EXOSC10: variants seen among roughly 807,000 people sequenced by gnomAD.
EXOSC10 encodes exosome component 10.
EXOSC10 carries 94 observed loss-of-function variants against 126.6 expected under a neutral mutation model. The ratio of observed to expected loss-of-function variants is 0.74; its 90% CI spans 0.63 to 0.88. The LOEUF (loss-of-function observed/expected upper bound fraction) is 0.88. EXOSC10 is among the 40% of genes least tolerant of loss of function. The pLI, the probability that EXOSC10 is intolerant of heterozygous loss-of-function variation, is 0.00. For synonymous variants in EXOSC10, 395 were observed against 400.8 expected (o/e 0.99, Z 0.17); for missense variants, 1,041 against 1,100.5 (o/e 0.95, Z 0.77).
At chr1:11,091,274 C>A in intron 4 of EXOSC10, 95 bp from the exon 5 acceptor site, 1 of 1,219,304 alleles carries the variant, frequency 8.2e-7, no homozygotes, top group South Asian at 1.4e-5. Flanking sequence ...ACAAGAACAT[C>A]GCAAAGGTCA....
chr1:11,070,897 T>TA lies in EXOSC10; in HGVS notation c.2316+2dup, dbSNP rs764258182. 1.2e-6 allele frequency: 2 copies of TA among 1,613,688 alleles called. No homozygotes were observed. Among genetic ancestry groups the TA allele is most frequent in the Non-Finnish European group, 1.7e-6 (2 of 1,179,726 alleles). ...AGGAAAAAGGAGAAAAGCTGGCACA[T>TA]ACCACGACCTGCTGTCGGACGGAGA... is the stretch of plus-strand genomic sequence containing the variant. On this transcript the variant is annotated splice_region_variant and intron_variant, in intron 21 of 24. Coordinates refer to ENST00000376936, the MANE Select transcript of EXOSC10 (RefSeq NM_001001998.3).
intron 19 of EXOSC10, chr1:11,072,935 A>G (rs1007350100): frequency 6.6e-6 from 1 of 152,308 alleles, no homozygotes; most frequent in South Asian, 2.1e-4. Flanking sequence ...CTTACTCATA[A>G]TGCTGGTAAA....
intron 9 of EXOSC10, among the ~76,000 whole-genome samples, chr1:11,083,709 G>A (rs1640319936): frequency 6.6e-6 from 1 of 151,806 alleles, no homozygotes; most frequent in Non-Finnish European, 1.5e-5. Flanking sequence ...CATGTGCCAT[G>A]CTGGTGCGCT....
At chr1:11,083,702 G>C (rs1640319285) in intron 9 of EXOSC10, among the ~76,000 whole-genome samples, 2 of 151,282 alleles carry the variant, frequency 1.3e-5, no homozygotes, top group Admixed American at 1.3e-4. Context: ...ATGTATACAT[G>C]TGCCATGCTG....
chr1:11,094,686 G>C (rs980799476), intron 3 of EXOSC10, among the ~76,000 whole-genome samples: 5 of 141,006 alleles, frequency 3.5e-5, no homozygotes, highest in Admixed American at 3.5e-4. Flanking sequence ...CTGCAACCTT[G>C]GCCTCCCGGG....
At chr1:11,074,201 C>T (rs184722220) in intron 18 of EXOSC10, 30 bp downstream of exon 18, 58 of 1,545,168 alleles carry the variant, frequency 3.8e-5, no homozygotes, top group African/African-American at 5.4e-5. Flanking sequence ...CTCTGCATAT[C>T]CTGTCAGCCC....
rs756412312 is a variant in EXOSC10, at chr1:11,082,702, A to G, written c.1266T>C (p.Ala422=). The part of the protein sequence containing the change: ...NVDSNKQYQL[A]DWRIRPLPEE... Reference sequence around the variant, plus strand: ...AGCAAACTGACCGTATTCTCCAATCAGCCAGCTGATATTGCTTGTTTGAGT... The same window carrying G: ...AGCAAACTGACCGTATTCTCCAATCGGCCAGCTGATATTGCTTGTTTGAGT... The change falls in exon 10 of 25, where the codon GCT becomes GCC. Residue 422 remains alanine, a synonymous_variant. Transcript: ENST00000376936. The G allele has an allele frequency of 6.2e-7, 1 of 1,614,162 alleles. No individual in the cohort carries two copies. Among genetic ancestry groups the G allele is most frequent in the Admixed American group, 1.7e-5 (1 of 60,008 alleles).
intron 2 of EXOSC10, among the ~76,000 whole-genome samples, chr1:11,096,616 TG>T (rs1641111326): frequency 1.3e-5 from 2 of 151,212 alleles, no homozygotes; most frequent in South Asian, 4.2e-4. Context: ...AGCTGTGACT[TG>T]GGAGTGGTGC....
chr1:11,070,862 C>G lies in EXOSC10; in HGVS notation c.2316+38G>C, dbSNP rs758860978. ...AGATCCTGACCACAAGCAGGGGCAT[C>G]GTTTTTCAAAGGAAAAAGGAGAAAA... On this transcript the variant is annotated intron_variant, in intron 21 of 24. Coordinates refer to ENST00000376936, the MANE Select transcript of EXOSC10 (RefSeq NM_001001998.3). The G allele has an allele frequency of 4.4e-6, 7 of 1,579,838 alleles. No homozygotes were observed. In the Admixed American group the frequency reaches 5.1e-5, roughly 11 times the overall value.
chr1:11,080,963 C>G (rs762626377), intron 11 of EXOSC10, 51 bp from the exon 12 acceptor site: 4 of 1,578,694 alleles, frequency 2.5e-6, no homozygotes, highest in East Asian at 2.2e-5. Context: ...AAATTGTGCC[C>G]TGGGCTCTGG....
At chr1:11,073,318 G>T (rs923081374) in intron 19 of EXOSC10, among the ~76,000 whole-genome samples, 1 of 151,988 alleles carries the variant, frequency 6.6e-6, no homozygotes, top group Non-Finnish European at 1.5e-5. Context: ...ATTTTTAGTA[G>T]AGACGGGGTT....
At chr1:11,074,828 G>A (rs1168275531) in intron 17 of EXOSC10, among the ~76,000 whole-genome samples, 1 of 152,134 alleles carries the variant, frequency 6.6e-6, no homozygotes, top group Non-Finnish European at 1.5e-5. Context: ...TCAATGTGCT[G>A]GATCAGTGAA....
chr1:11,095,777 T>C lies in EXOSC10; in HGVS notation c.353A>G (p.Asp118Gly), dbSNP rs1641049708. 1 of 1,613,980 alleles carries C rather than the reference T, an allele frequency of 6.2e-7. No individual in the cohort carries two copies. Among genetic ancestry groups the C allele is most frequent in the Non-Finnish European group, 8.5e-7 (1 of 1,179,950 alleles). ...DKFDLLVDAN[D>G]VILERVGILL... is the part of the protein sequence containing the mutation. Reference sequence around the variant, plus strand: ...ACTCACCACTCTCTCCAGAATTACATCATTGGCATCAACTAGTAAATCAAA... The same window carrying C: ...ACTCACCACTCTCTCCAGAATTACACCATTGGCATCAACTAGTAAATCAAA... The change falls in exon 3 of 25, where the codon GAT becomes GGT. Residue 118 changes from aspartate to glycine, a missense_variant. Around this residue, in one of 3 missense-constraint regions of EXOSC10, gnomAD observed 645 missense variants for 656.3 expected, o/e 0.98. Transcript: ENST00000376936.
chr1:11,090,288 G>A (rs1274008178), intron 6 of EXOSC10, among the ~76,000 whole-genome samples: 1 of 152,136 alleles, frequency 6.6e-6, no homozygotes, highest in African/African-American at 2.4e-5. Context: ...GTAAGCCACC[G>A]CGCCCAGCCT....
At chr1:11,076,049 CAGCTACTAGGGA>C (rs1040400119) in intron 17 of EXOSC10, among the ~76,000 whole-genome samples, 72 of 152,010 alleles carry the variant, frequency 4.7e-4, no homozygotes, top group African/African-American at 1.7e-3. Flanking sequence ...CCTGCAATCC[CAGCTACTAGGGA>C]AGCTGAGGCA....
At chr1:11,086,047 A>G (rs1640475245) in intron 9 of EXOSC10, among the ~76,000 whole-genome samples, 1 of 150,950 alleles carries the variant, frequency 6.6e-6, no homozygotes, top group South Asian at 2.1e-4. Context: ...GGATTTTTGC[A>G]TCAATGTTCA....
rs1570816881 is a variant in EXOSC10 at position 11,080,870 on chromosome 1, G to A, written c.1480C>T (p.Leu494Phe). Reference protein sequence around the residue: ...PIFTDESYLELYRKQKKHLNT... With the variant: ...PIFTDESYLEFYRKQKKHLNT... ...AGGTGCTTCTTCTGCTTCCTATAGA[G>A]TTCAAGGTAGGACTCATCCGTGAAG... Residue 494 changes from leucine to phenylalanine, a missense_variant, in exon 12 of 25, where the codon CTC (leucine) becomes TTC (phenylalanine). By Grantham distance (22) the Leu-to-Phe change is conservative. Around this residue, in one of 3 missense-constraint regions of EXOSC10, gnomAD observed 645 missense variants for 656.3 expected, o/e 0.98. Transcript: ENST00000376936. 2.5e-6 allele frequency: 4 copies of A among 1,613,694 alleles called. No individual in the cohort carries two copies. Among genetic ancestry groups the A allele is most frequent in the Non-Finnish European group, 3.4e-6 (4 of 1,179,902 alleles).
chr1:11,069,227 C>CTGTGTGTGTGTGTGTG (rs146028725), intron 22 of EXOSC10, among the ~76,000 whole-genome samples: 12 of 135,338 alleles, frequency 8.9e-5, no homozygotes, highest in South Asian at 2.6e-4. Flanking sequence ...AAACAAAATT[C>CTGTGTGTGTGTGTGTG]TGTGTGTGTG....
chr1:11,083,986 C>A (rs1408882912), intron 9 of EXOSC10, among the ~76,000 whole-genome samples: 4 of 152,152 alleles, frequency 2.6e-5, no homozygotes, highest in Non-Finnish European at 5.9e-5. Flanking sequence ...CGTAGTATTC[C>A]ATGGTGTATA....
Sources: allele counts gnomAD v4.1 joint callset (sites outside exome capture counted in the v4.1 genomes callset), GRCh38; gene constraint gnomAD v4.1.1; regional missense constraint gnomAD v4.1.1; transcripts MANE v1.5; gene names NCBI Gene and HGNC (gene_info 2026-07-23, HGNC 2026-07-21).